Variants in NELL1 observed in about 807,000 individuals in gnomAD.
NELL1 encodes the protein neural EGFL like 1, also known as protein kinase C-binding protein NELL1.
Under a neutral mutation model 107.4 loss-of-function variants are expected in NELL1, and 76 were observed. The ratio of observed to expected loss-of-function variants is 0.71; its 90% confidence interval spans 0.59 to 0.86. The LOEUF (loss-of-function observed/expected upper bound fraction) is 0.86, where lower values mean the gene tolerates loss of function less well. Ranked by LOEUF, NELL1 falls within the 40% of genes least tolerant of loss-of-function variation. The pLI is 0.00. For missense variants in NELL1, 1,024 were observed against 1,005.5 expected (o/e 1.02, Z -0.25); for synonymous variants, 353 against 341.2 (o/e 1.03, Z -0.38).
chr11:21,403,289 C>G (rs1054403365), intron 15 of NELL1, among the ~76,000 whole-genome samples: 1 of 151,658 alleles, frequency 6.6e-6, no homozygotes, highest in South Asian at 2.1e-4. Flanking sequence ...ATATAGTCTA[C>G]CTGTGTCAGT....
chr11:20,673,407 T>A (rs200051675), intron 1 of NELL1, among the ~76,000 whole-genome samples: 5 of 152,156 alleles, frequency 3.3e-5, no homozygotes, highest in African/African-American at 1.2e-4. Context: ...TTGGAGCATT[T>A]TTTTAGTCTG....
At chr11:21,102,783 A>G (rs187032441) in intron 12 of NELL1, among the ~76,000 whole-genome samples, 218 of 152,244 alleles carry the variant, frequency 1.4e-3, no homozygotes, top group African/African-American at 4.9e-3. Context: ...GATAATATGA[A>G]TAATTATTAT....
At chr11:20,909,032 G>A (rs1007296572) in intron 5 of NELL1, among the ~76,000 whole-genome samples, 2 of 152,206 alleles carry the variant, frequency 1.3e-5, no homozygotes, top group Admixed American at 6.5e-5. Flanking sequence ...GTACTACAGT[G>A]TGGATAAGCC....
chr11:21,559,977 T>G (rs1368161096), intron 16 of NELL1, among the ~76,000 whole-genome samples: 1 of 152,108 alleles, frequency 6.6e-6, no homozygotes, highest in Non-Finnish European at 1.5e-5. Context: ...AACCTCAGCT[T>G]CATTATTTGC....
intron 14 of NELL1, among the ~76,000 whole-genome samples, chr11:21,325,235 T>C (rs1850104526): frequency 6.6e-6 from 1 of 152,142 alleles, no homozygotes; most frequent in Non-Finnish European, 1.5e-5. Context: ...ACTGAATATA[T>C]AATTCTGTTT....
chr11:21,327,600 C>A (rs371946062), intron 14 of NELL1, among the ~76,000 whole-genome samples: 1 of 152,004 alleles, frequency 6.6e-6, no homozygotes, highest in Non-Finnish European at 1.5e-5. Flanking sequence ...TAGTGGGGCA[C>A]CACTGGAAAG....
intron 16 of NELL1, among the ~76,000 whole-genome samples, chr11:21,540,258 G>T (rs1040026325): frequency 2.9e-4 from 44 of 151,876 alleles, no homozygotes; most frequent in African/African-American, 1.1e-3. Flanking sequence ...ACCCTACTCT[G>T]CTCTCAAACA....
chr11:21,051,186 T>G (rs1853484595), intron 12 of NELL1, among the ~76,000 whole-genome samples: 1 of 152,140 alleles, frequency 6.6e-6, no homozygotes, highest in South Asian at 2.1e-4. Context: ...ACATATACCA[T>G]GGAATACTAC....
intron 16 of NELL1, among the ~76,000 whole-genome samples, 179 bp downstream of exon 16, chr11:21,534,693 G>A (rs111517895): frequency 4.6e-5 from 7 of 152,186 alleles, no homozygotes; most frequent in East Asian, 1.9e-4. Flanking sequence ...TGCAAAGTGG[G>A]GTGCTAGAAT....
At chr11:21,233,784 T>C (rs534769429) in intron 14 of NELL1, among the ~76,000 whole-genome samples, 1 of 152,346 alleles carries the variant, frequency 6.6e-6, no homozygotes, top group East Asian at 1.9e-4. Context: ...CACTAGGCAG[T>C]TGTCAATATG....
At chr11:20,782,793 C>T (rs1856876836) in intron 2 of NELL1, among the ~76,000 whole-genome samples, 1 of 152,192 alleles carries the variant, frequency 6.6e-6, no homozygotes, top group Non-Finnish European at 1.5e-5. Context: ...ACTTTGCTCC[C>T]TTAGTGCCCC....
chr11:21,409,362 A>G (rs1852314197), intron 15 of NELL1, among the ~76,000 whole-genome samples: 1 of 152,002 alleles, frequency 6.6e-6, no homozygotes. Context: ...GTTCTCACTC[A>G]TAGGTGGGAA....
At chr11:21,149,002 C>T (rs1428811507) in intron 13 of NELL1, among the ~76,000 whole-genome samples, 2 of 152,184 alleles carry the variant, frequency 1.3e-5, no homozygotes, top group South Asian at 4.1e-4. Context: ...TAACATCACT[C>T]ACAGCCTGCA....
chr11:21,161,485 C>A (rs1488537861), intron 13 of NELL1, among the ~76,000 whole-genome samples: 2 of 151,994 alleles, frequency 1.3e-5, no homozygotes, highest in Non-Finnish European at 2.9e-5. Flanking sequence ...TTCAGTGAGC[C>A]GAGATCATGC....
rs760387501 is a variant in NELL1 at position 21,560,390 on chromosome 11, T to C, written c.1980+8T>C. The C allele has an allele frequency of 2.9e-4, 452 of 1,556,056 alleles. No homozygotes were observed. The highest frequency in any genetic ancestry group is 3.6e-4 in the Non-Finnish European group (418 of 1,154,014). On this transcript the variant is annotated splice_region_variant and intron_variant, in intron 17 of 19. Transcript: ENST00000357134. ...TCTGTCTGCTCCTGCAAGGTGAGGC[T>C]GATGTGGTGCAGCAGAAATTGAAAC...
intron 15 of NELL1, among the ~76,000 whole-genome samples, chr11:21,403,214 G>T (rs1247191191): frequency 6.6e-6 from 1 of 151,582 alleles, no homozygotes; most frequent in African/African-American, 2.4e-5. Flanking sequence ...GTATTGAAGG[G>T]GGTTCTTTTC....
chr11:21,326,485 C>T (rs1260642555), intron 14 of NELL1, among the ~76,000 whole-genome samples: 3 of 151,784 alleles, frequency 2.0e-5, no homozygotes, highest in Non-Finnish European at 2.9e-5. Context: ...GTTATAAACT[C>T]TCAAATACAT....
rs71443763 is a variant in NELL1, at chr11:20,787,007, C to CAAAAAAAAAAAA, written c.335+3190_335+3201dup. Among the ~76,000 whole-genome samples, 8 of 60,850 alleles carry CAAAAAAAAAAAA rather than the reference C, an allele frequency of 1.3e-4. 1 individual carries two copies. Among genetic ancestry groups the CAAAAAAAAAAAA allele is most frequent in the African/African-American group, 6.5e-4 (8 of 12,282 alleles). The allele number at this position is 60,850 out of a possible 152,430, so 39.9% of individuals were successfully genotyped here. The stretch of plus-strand genomic sequence containing the variant: ...TAGGCGAAAGAGCGAGACTCCGTCT[C>CAAAAAAAAAAAA]AAAAAAAAAAAAAAAAAAAAAAAAG... On this transcript the variant is annotated intron_variant, in intron 3 of 19. Transcript: ENST00000357134.
intron 14 of NELL1, among the ~76,000 whole-genome samples, chr11:21,300,278 G>A (rs1565155718): frequency 6.6e-6 from 1 of 151,928 alleles, no homozygotes. Context: ...GATGAGCTCA[G>A]GATGTTTAAA....
Sources: allele counts gnomAD v4.1 joint callset (sites outside exome capture counted in the v4.1 genomes callset), GRCh38; gene constraint gnomAD v4.1.1; transcripts MANE v1.5; gene names NCBI Gene and HGNC (gene_info 2026-07-23, HGNC 2026-07-21).